The following NRXN3 variants were observed in gnomAD, a reference collection of about 807,000 sequenced individuals.
NRXN3 encodes neurexin 3, also known as neurexin III.
In NRXN3, 32 loss-of-function variants were observed where a neutral mutation model predicts 137.6. The observed-to-expected ratio is 0.23, with a 90% confidence interval of 0.18 to 0.31. The LOEUF (loss-of-function observed/expected upper bound fraction) is 0.31. NRXN3 is among the 10% of genes least tolerant of loss of function. The pLI, the probability that NRXN3 is intolerant of heterozygous loss-of-function variation, is 1.00. For missense variants in NRXN3, 1,574 were observed against 2,062.5 expected (o/e 0.76, Z 4.59); for synonymous variants, 798 against 784.5 (o/e 1.02, Z -0.29).
At chr14:79,796,709 G>A (rs1246879655) in intron 19 of NRXN3, among the ~76,000 whole-genome samples, 2 of 152,158 alleles carry the variant, frequency 1.3e-5, no homozygotes, top group Admixed American at 1.3e-4. Flanking sequence ...ATTAGCAAAA[G>A]TTATTATAAG....
rs192824276 is a variant in NRXN3 at position 78,289,642 on chromosome 14, G to C, written c.728-8189G>C. ...TAAAAACGCTCGATGGGGGCCAGGCGTGGTGGCTCACACCTGTAATCCCAG... is the reference window on the plus strand; with the variant it reads ...TAAAAACGCTCGATGGGGGCCAGGCCTGGTGGCTCACACCTGTAATCCCAG... On this transcript the variant is annotated intron_variant, in intron 3 of 20. Transcript: ENST00000335750. 2.4e-4 allele frequency among the ~76,000 whole-genome samples: 37 copies of C among 151,946 alleles called. No homozygotes were observed. In the South Asian group the frequency reaches 3.8e-3, roughly 15 times the overall value.
intron 4 of NRXN3, among the ~76,000 whole-genome samples, chr14:78,413,795 T>C (rs2092976017): frequency 1.3e-4 from 1 of 7,776 alleles, no homozygotes; most frequent in South Asian, 7.9e-3. Context: ...AAACATCCAC[T>C]ATAGTGTTTG....
intron 10 of NRXN3, among the ~76,000 whole-genome samples, chr14:78,944,654 G>T (rs1161455985): frequency 2.0e-5 from 3 of 152,166 alleles, no homozygotes; most frequent in African/African-American, 7.2e-5. Context: ...ATCAAGGATT[G>T]CAGGAAACCC....
At chr14:79,725,017 G>A (rs1015294643) in intron 19 of NRXN3, among the ~76,000 whole-genome samples, 8 of 152,146 alleles carry the variant, frequency 5.3e-5, no homozygotes, top group African/African-American at 1.2e-4. Flanking sequence ...TGTAATGTGT[G>A]CACAGAGGAG....
chr14:78,715,133 G>T lies in NRXN3; in HGVS notation c.2038G>T (p.Glu680Ter). The T allele has an allele frequency of 6.2e-7, 1 of 1,606,396 alleles. No homozygotes were observed. ...TGTGYWGRTCEREASILSYDG... is the reference protein window; with the variant it reads ...TGTGYWGRTC Reference sequence around the variant, plus strand: ...CACCGGATACTGGGGAAGAACCTGCGAAAGGGGTGAGTCGGCCTAGAGGAT... The same window carrying T: ...CACCGGATACTGGGGAAGAACCTGCTAAAGGGGTGAGTCGGCCTAGAGGAT... The change falls in exon 8 of 21, where the codon GAA (glutamate) becomes TAA (stop). Residue 680 changes from glutamate to a stop codon, truncating the protein, a stop_gained. Transcript: ENST00000335750. LOFTEE classifies it high-confidence loss of function.
intron 11 of NRXN3, among the ~76,000 whole-genome samples, chr14:78,958,546 G>T (rs1351519787): frequency 1.3e-5 from 2 of 151,898 alleles, no homozygotes; most frequent in East Asian, 3.9e-4. Context: ...TAGTAGAGAT[G>T]GCGTTTCACC....
At chr14:78,578,977 G>T (rs1265074930) in intron 4 of NRXN3, among the ~76,000 whole-genome samples, 1 of 151,902 alleles carries the variant, frequency 6.6e-6, no homozygotes, top group East Asian at 1.9e-4. Flanking sequence ...AGGCTGCCCT[G>T]GAAGCTGAGG....
At chr14:79,378,156 C>G (rs915738277) in intron 15 of NRXN3, among the ~76,000 whole-genome samples, 4 of 152,274 alleles carry the variant, frequency 2.6e-5, no homozygotes, top group Middle Eastern at 3.4e-3. Context: ...ATCCTCAGTG[C>G]CTTCATTACC....
intron 15 of NRXN3, among the ~76,000 whole-genome samples, chr14:79,434,667 A>C (rs2095815400): frequency 6.6e-6 from 1 of 152,124 alleles, no homozygotes; most frequent in Admixed American, 6.5e-5. Context: ...GGGAACACTG[A>C]GGTGAAGATT....
intron 10 of NRXN3, among the ~76,000 whole-genome samples, chr14:78,851,485 A>G (rs2099042495): frequency 1.3e-5 from 2 of 152,186 alleles, no homozygotes; most frequent in South Asian, 4.1e-4. Flanking sequence ...TTGTTTTAAT[A>G]CATCACTTCA....
chr14:78,745,331 G>A (rs1179244737), intron 8 of NRXN3: 1 of 152,316 alleles, frequency 6.6e-6, no homozygotes, highest in Non-Finnish European at 1.5e-5. Flanking sequence ...CCTGCAGAGA[G>A]AGAAAGCCCA....
intron 15 of NRXN3, among the ~76,000 whole-genome samples, chr14:79,456,017 A>G (rs1054735383): frequency 6.6e-5 from 10 of 152,072 alleles, no homozygotes; most frequent in African/African-American, 2.4e-4. Flanking sequence ...TGAAGTTTAT[A>G]TGACTTGATA....
intron 4 of NRXN3, among the ~76,000 whole-genome samples, chr14:78,582,036 T>C (rs1028485062): frequency 3.9e-5 from 6 of 152,230 alleles, no homozygotes; most frequent in African/African-American, 1.4e-4. Flanking sequence ...TCCTGCTTCA[T>C]GTTGTTCTGT....
chr14:78,841,490 A>G (rs1298068830), intron 10 of NRXN3, among the ~76,000 whole-genome samples: 1 of 151,950 alleles, frequency 6.6e-6, no homozygotes, highest in Non-Finnish European at 1.5e-5. Context: ...CACTGTCTGG[A>G]AAGGCTTGTA....
At chr14:78,751,369 A>T (rs1173944578) in intron 8 of NRXN3, among the ~76,000 whole-genome samples, 1 of 152,186 alleles carries the variant, frequency 6.6e-6, no homozygotes, top group Non-Finnish European at 1.5e-5. Flanking sequence ...ATTGCCCCCC[A>T]GTGTGGTGAT....
At chr14:79,198,544 T>C (rs1276660868) in intron 15 of NRXN3, among the ~76,000 whole-genome samples, 1 of 152,222 alleles carries the variant, frequency 6.6e-6, no homozygotes, top group Non-Finnish European at 1.5e-5. Flanking sequence ...TGTGCATTAC[T>C]CTTAATGCTA....
intron 10 of NRXN3, among the ~76,000 whole-genome samples, chr14:78,924,469 A>C (rs1397606514): frequency 1.3e-5 from 2 of 152,164 alleles, no homozygotes. Flanking sequence ...CCAGGATTTG[A>C]ACTGGGCCCA....
chr14:79,384,870 A>G lies in NRXN3; in HGVS notation c.3263-82351A>G, dbSNP rs549662948. On this transcript the variant is annotated intron_variant, in intron 15 of 20. Coordinates refer to ENST00000335750, the MANE Select transcript of NRXN3 (RefSeq NM_001330195.2). ...TAAAATAATGCATGTAAGTAAAATA[A>G]CCCAGCTATTGGAACAATCGCTGCT... is the stretch of plus-strand genomic sequence containing the variant. 5.9e-5 allele frequency among the ~76,000 whole-genome samples: 9 copies of G among 152,318 alleles called. No individual in the cohort carries two copies. In the East Asian group the frequency reaches 1.7e-3, roughly 29 times the overall value.
At chr14:78,898,051 A>G (rs555382720) in intron 10 of NRXN3, among the ~76,000 whole-genome samples, 1 of 152,046 alleles carries the variant, frequency 6.6e-6, no homozygotes, top group South Asian at 2.1e-4. Flanking sequence ...TGTAAAATCT[A>G]TGCCTCCCTA....
Sources: allele counts gnomAD v4.1 joint callset (sites outside exome capture counted in the v4.1 genomes callset), GRCh38; gene constraint gnomAD v4.1.1; transcripts MANE v1.5; gene names NCBI Gene and HGNC (gene_info 2026-07-23, HGNC 2026-07-21).